ACSF3: variants seen among roughly 807,000 people sequenced by gnomAD.
The protein encoded by ACSF3 is acyl-CoA synthetase family member 3.
Under a neutral mutation model 53.2 loss-of-function variants are expected in ACSF3, and 78 were observed. That is an observed-to-expected ratio of 1.47 (90% CI 1.22 to 1.77). The LOEUF (loss-of-function observed/expected upper bound fraction) is 1.77. ACSF3 is among the 40% of genes most tolerant of loss of function. The pLI is 0.00. For missense variants in ACSF3, 937 were observed against 771.1 expected (o/e 1.22, Z -2.55); for synonymous variants, 414 against 333.1 (o/e 1.24, Z -2.65).
At chr16:89,106,302 T>TA (rs1975977770) in intron 4 of ACSF3, among the ~76,000 whole-genome samples, 1 of 151,944 alleles carries the variant, frequency 6.6e-6, no homozygotes, top group Admixed American at 6.6e-5. Flanking sequence ...CTTAATTTTT[T>TA]TTTTTTTTGA....
Position 89,133,145 on chromosome 16 carries a change from G to C in ACSF3, c.1249G>C (p.Gly417Arg). Residue 417 changes from glycine to arginine, a missense_variant, in exon 8 of 11, where the codon GGG (glycine) becomes CGG (arginine). By Grantham distance (125) the Gly-to-Arg change is moderately radical. Transcript: ENST00000614302. ...TCTTCATCCTCCACAGGTGACCCCA[G>C]GGTTTGAAGAAAAGGAGGGGGAGCT... ...GDERGTKVTPGFEEKEGELLV... is the reference protein window; with the variant it reads ...GDERGTKVTPRFEEKEGELLV... The C allele has an allele frequency of 6.2e-7, 1 of 1,613,906 alleles. No homozygotes were observed.
Position 89,155,280 on chromosome 16 carries a change from C to A in ACSF3, c.*1073C>A, listed in dbSNP as rs761344708. 1 of 454,090 alleles carries A rather than the reference C, an allele frequency of 2.2e-6. No homozygotes were observed. Among genetic ancestry groups the A allele is most frequent in the South Asian group, 1.6e-5 (1 of 64,480 alleles). The allele number at this position is 454,090 out of a possible 1,614,324, so 28.1% of individuals were successfully genotyped here. A position where few individuals can be genotyped will look rare whatever the true frequency, so the allele number is the denominator to read the frequency against. On this transcript the variant is annotated 3_prime_UTR_variant, in exon 11 of 11. Coordinates refer to ENST00000614302, the MANE Select transcript of ACSF3 (RefSeq NM_001243279.3). ...CCTGAACTTACCCAGAACATTCTGC[C>A]CCCGGAATGCACGTCTGAAAGAGTG...
Position 89,100,133 on chromosome 16 carries a change from C to T in ACSF3, c.-20-529C>T, listed in dbSNP as rs1597883275. ...TCCAGCCTGGGCGACACAGCAAGAC[C>T]CTGTCTCAAAAAAACGAACCTTGGC... is the stretch of plus-strand genomic sequence containing the variant. On this transcript the variant is annotated intron_variant, in intron 2 of 10. Coordinates refer to ENST00000614302, the MANE Select transcript of ACSF3 (RefSeq NM_001243279.3). Among the ~76,000 whole-genome samples, 8 of 152,340 alleles carry T rather than the reference C, an allele frequency of 5.3e-5. No homozygotes were observed. In the South Asian group the frequency reaches 1.4e-3, roughly 28 times the overall value.
intron 6 of ACSF3, among the ~76,000 whole-genome samples, chr16:89,116,078 C>G (rs573744117): frequency 5.3e-5 from 8 of 152,198 alleles, no homozygotes; most frequent in Non-Finnish European, 1.0e-4. Flanking sequence ...ATAGTTTCAG[C>G]TCTTACGTTT....
At chr16:89,130,070 C>T (rs1908964354) in intron 7 of ACSF3, among the ~76,000 whole-genome samples, 1 of 152,204 alleles carries the variant, frequency 6.6e-6, no homozygotes, top group Non-Finnish European at 1.5e-5. Flanking sequence ...GTTGCTTTTC[C>T]TGTATTCCCA....
chr16:89,116,495 C>G (rs1005155153), intron 6 of ACSF3, among the ~76,000 whole-genome samples: 1 of 152,104 alleles, frequency 6.6e-6, no homozygotes, highest in Non-Finnish European at 1.5e-5. Flanking sequence ...TTTGCTGGGC[C>G]TGGGGAGCCA....
Position 89,154,617 on chromosome 16 carries a change from C to T in ACSF3, c.*410C>T. The T allele has an allele frequency of 2.2e-6, 1 of 455,388 alleles. No homozygotes were observed. Among genetic ancestry groups the T allele is most frequent in the Non-Finnish European group, 4.4e-6 (1 of 227,776 alleles). The allele number at this position is 455,388 out of a possible 1,614,324, so 28.2% of individuals were successfully genotyped here. On this transcript the variant is annotated 3_prime_UTR_variant, in exon 11 of 11. Transcript: ENST00000614302. The stretch of plus-strand genomic sequence containing the variant: ...CCTGTCCCACGCCGTCTGCACGTGC[C>T]TGTGCCTCACCCAGAGCCAGTGTCT...
At chr16:89,126,025 T>TC (rs1465864251) in intron 7 of ACSF3, among the ~76,000 whole-genome samples, 2 of 152,384 alleles carry the variant, frequency 1.3e-5, no homozygotes, top group South Asian at 4.1e-4. Flanking sequence ...ACACGGTATG[T>TC]TTCTCCATTT....
chr16:89,139,477 C>T (rs951350651), intron 8 of ACSF3, among the ~76,000 whole-genome samples: 1 of 151,906 alleles, frequency 6.6e-6, no homozygotes, highest in East Asian at 1.9e-4. Flanking sequence ...GGTTTGGCTG[C>T]GTATAGGGTT....
At chr16:89,123,955 C>G (rs919060415) in intron 7 of ACSF3, among the ~76,000 whole-genome samples, 5 of 152,210 alleles carry the variant, frequency 3.3e-5, no homozygotes, top group Non-Finnish European at 7.4e-5. Flanking sequence ...ACGCAGTGTG[C>G]ACACGGATAG....
chr16:89,136,602 A>T, intron 8 of ACSF3: 1 of 1,286,564 alleles, frequency 7.8e-7, no homozygotes, highest in South Asian at 1.2e-5. Context: ...GGGGACAGCC[A>T]GGGATGGCTG....
rs144907664 is a variant in ACSF3 at position 89,114,478 on chromosome 16, C to T, written c.1117C>T (p.Arg373Cys). 3.7e-6 allele frequency: 6 copies of T among 1,611,720 alleles called. No individual in the cohort carries two copies. Among genetic ancestry groups the T allele is most frequent in the East Asian group, 2.2e-5 (1 of 44,894 alleles). ...GTCCGGGCCCCTGACCACTGCCGTG[C>T]GCCTGCCAGGTACGAGCACTTCCCA... ...ALSGPLTTAV[R>C]LPGSVGTPLP... The change falls in exon 6 of 11, where the codon CGC becomes TGC. Residue 373 changes from arginine to cysteine, a missense_variant. Physicochemically the swap from Arg to Cys is radical, Grantham distance 180. Transcript: ENST00000614302.
At chr16:89,139,548 G>T (rs546936230) in intron 8 of ACSF3, among the ~76,000 whole-genome samples, 2 of 150,982 alleles carry the variant, frequency 1.3e-5, no homozygotes, top group Non-Finnish European at 1.5e-5. Flanking sequence ...TGCCACAGCC[G>T]TGCTGAATCC....
intron 4 of ACSF3, among the ~76,000 whole-genome samples, chr16:89,103,224 G>T (rs1975577025): frequency 6.6e-6 from 1 of 152,256 alleles, no homozygotes; most frequent in South Asian, 2.1e-4. Flanking sequence ...GACTGTACAG[G>T]CCCTGCTGCC....
intron 6 of ACSF3, among the ~76,000 whole-genome samples, chr16:89,119,580 A>G (rs1385019000): frequency 6.6e-6 from 1 of 152,136 alleles, no homozygotes; most frequent in African/African-American, 2.4e-5. Flanking sequence ...CAAAACATAA[A>G]GGAGGAGAAA....
intron 8 of ACSF3, among the ~76,000 whole-genome samples, chr16:89,143,240 G>A (rs1370853511): frequency 6.6e-6 from 1 of 152,160 alleles, no homozygotes; most frequent in African/African-American, 2.4e-5. Flanking sequence ...CGTAGCTGTG[G>A]TGCAGCCTCA....
intron 8 of ACSF3, among the ~76,000 whole-genome samples, chr16:89,139,803 C>A (rs1911389990): frequency 6.6e-6 from 1 of 152,022 alleles, no homozygotes; most frequent in African/African-American, 2.4e-5. Flanking sequence ...CCATGTTGGC[C>A]AGGATGGTCT....
Position 89,119,501 on chromosome 16 carries a change from C to T in ACSF3, c.1127-1300C>T, listed in dbSNP as rs924862879. On this transcript the variant is annotated intron_variant, in intron 6 of 10. Transcript: ENST00000614302. ...GTGCAATGTGTGTGCGGAACACCGC[C>T]GTGCCGCGCACTGAAATGGGAAGTC... Among the ~76,000 whole-genome samples, 5 of 152,304 alleles carry T rather than the reference C, an allele frequency of 3.3e-5. No individual in the cohort carries two copies. In the East Asian group the frequency reaches 5.8e-4, roughly 18 times the overall value.
chr16:89,102,888 GC>G, intron 4 of ACSF3, 129 bp downstream of exon 4: 1 of 1,333,608 alleles, frequency 7.5e-7, no homozygotes, highest in Non-Finnish European at 1.0e-6. Context: ...TCTCGGCCGC[GC>G]CCTCAGACTA....
Sources: allele counts gnomAD v4.1 joint callset (sites outside exome capture counted in the v4.1 genomes callset), GRCh38; gene constraint gnomAD v4.1.1; transcripts MANE v1.5; gene names NCBI Gene and HGNC (gene_info 2026-07-23, HGNC 2026-07-21).